Variants in WDR43 observed in about 807,000 individuals in gnomAD.
WDR43 encodes WD repeat-containing protein 43.
Under a neutral mutation model 91.4 loss-of-function variants are expected in WDR43, and 13 were observed. That is an observed-to-expected ratio of 0.14 (90% CI 0.09 to 0.23). The LOEUF (loss-of-function observed/expected upper bound fraction) is 0.23. Ranked by LOEUF, WDR43 falls within the 10% of genes least tolerant of loss-of-function variation. The pLI is 1.00. For missense variants in WDR43, 780 were observed against 809.4 expected, an observed-to-expected ratio of 0.96 and a Z score of 0.44; for synonymous variants, 331 against 287.9, an observed-to-expected ratio of 1.15 and a Z score of -1.51.
intron 11 of WDR43, among the ~76,000 whole-genome samples, chr2:28,933,569 A>AAAAAT (rs1671287156): frequency 6.6e-6 from 1 of 152,210 alleles, no homozygotes; most frequent in Non-Finnish European, 1.5e-5. Context: ...TTCTTGGAAA[A>AAAAAT]ACAGTGTTAG....
chr2:28,903,461 ACAG>A (rs1670615105), intron 2 of WDR43, among the ~76,000 whole-genome samples: 1 of 152,206 alleles, frequency 6.6e-6, no homozygotes, highest in Non-Finnish European at 1.5e-5. Context: ...GCCCAACAAA[ACAG>A]CAACAACGAC....
At chr2:28,905,782 A>C (rs1160004146) in intron 2 of WDR43, among the ~76,000 whole-genome samples, 1 of 150,854 alleles carries the variant, frequency 6.6e-6, no homozygotes, top group Non-Finnish European at 1.5e-5. Flanking sequence ...CTCCTGCCTC[A>C]GCCTCTCAGG....
chr2:28,914,814 AG>A (rs1670875416), intron 5 of WDR43, among the ~76,000 whole-genome samples: 1 of 152,176 alleles, frequency 6.6e-6, no homozygotes, highest in African/African-American at 2.4e-5. Flanking sequence ...CTGTAGTCCC[AG>A]CTACTCGGGA....
chr2:28,929,350 T>G (rs545484169), intron 10 of WDR43, among the ~76,000 whole-genome samples: 1 of 152,298 alleles, frequency 6.6e-6, no homozygotes, highest in East Asian at 1.9e-4. Flanking sequence ...ACTATGTGCT[T>G]CTTGGGCCGT....
chr2:28,919,071 A>G (rs537450282), intron 6 of WDR43, among the ~76,000 whole-genome samples: 6 of 152,312 alleles, frequency 3.9e-5, no homozygotes, highest in African/African-American at 1.4e-4. Context: ...CTGCCTGGAC[A>G]ACATAGTGAG....
At chr2:28,906,003 A>G (rs1670671071) in intron 2 of WDR43, among the ~76,000 whole-genome samples, 1 of 152,194 alleles carries the variant, frequency 6.6e-6, no homozygotes, top group East Asian at 1.9e-4. Context: ...TGGATAGATA[A>G]AGGTTAAAGC....
chr2:28,902,216 G>T, intron 2 of WDR43, 92 bp downstream of exon 2: 1 of 1,389,386 alleles, frequency 7.2e-7, no homozygotes, highest in Non-Finnish European at 9.7e-7. Context: ...GGTATGTGAT[G>T]GGATCTGTGC....
At chr2:28,922,797 GTTTTT>G in intron 6 of WDR43, 117 bp from the exon 7 acceptor site, 4 of 232,266 alleles carry the variant, frequency 1.7e-5, no homozygotes, top group Non-Finnish European at 2.3e-5. Context: ...TTCTTGCTGT[GTTTTT>G]TTTTTTTTTT....
intron 3 of WDR43, among the ~76,000 whole-genome samples, chr2:28,907,343 C>T (rs1431773057): frequency 6.6e-6 from 1 of 151,726 alleles, no homozygotes; most frequent in East Asian, 1.9e-4. Flanking sequence ...GAGCCATTGG[C>T]CAAGTGCAGT....
intron 13 of WDR43, 43 bp downstream of exon 13, chr2:28,936,996 C>A (rs1402699045): frequency 1.3e-6 from 2 of 1,535,966 alleles, no homozygotes; most frequent in East Asian, 4.8e-5. Flanking sequence ...TGTCTGACAG[C>A]ATGAAATTAA....
In WDR43 at chr2:28,942,499, A is replaced by G. The variant is rs115050262; in HGVS notation, c.1804+118A>G. On this transcript the variant is annotated intron_variant, in intron 16 of 17. Coordinates refer to ENST00000407426, the MANE Select transcript of WDR43 (RefSeq NM_015131.3). ...GATCTTCCTTTGGCAAGCCTTCTCT[A>G]ATTAAAATAGGCAAGTCCGTGGCAA... 1,265 of 1,127,480 alleles carry G rather than the reference A, an allele frequency of 1.1e-3. 11 individuals are homozygous for G. In the African/African-American group the frequency reaches 0.018, roughly 16 times the overall value. 69.8% of individuals were successfully genotyped at this position (1,127,480 alleles called of 1,614,324 possible). A position where few individuals can be genotyped will look rare whatever the true frequency, so the allele number is the denominator to read the frequency against.
chr2:28,938,897 A>G (rs7423095), intron 14 of WDR43, among the ~76,000 whole-genome samples: 137,250 of 151,496 alleles, frequency 0.91, 62,259 homozygotes, highest in Non-Finnish European at 0.93. Context: ...TGACCTGGGA[A>G]CACTGATGAG....
chr2:28,913,561 C>T (rs1365909373), intron 4 of WDR43: 2 of 423,356 alleles, frequency 4.7e-6, no homozygotes, highest in African/African-American at 2.1e-5. Context: ...GATTTCTAGC[C>T]TACATCCAGC....
chr2:28,894,787 C>T lies in WDR43; in HGVS notation c.89C>T (p.Ala30Val), dbSNP rs747773498. ...TCCCCGCACAGCCAGGCCTACTTCG[C>T]TTTGGCCTCTACCGACGGTCACTTA... is the stretch of plus-strand genomic sequence containing the variant. ...AFSPHSQAYF[A>V]LASTDGHLRV... is the part of the protein sequence containing the mutation. Residue 30 changes from alanine to valine, a missense_variant, in exon 1 of 18, where the codon GCT becomes GTT. By Grantham distance (64) the Ala-to-Val change is moderately conservative. Coordinates refer to ENST00000407426, the MANE Select transcript of WDR43 (RefSeq NM_015131.3). The T allele has an allele frequency of 6.2e-7, 1 of 1,608,990 alleles. No homozygotes were observed. Among genetic ancestry groups the T allele is most frequent in the African/African-American group, 1.3e-5 (1 of 74,974 alleles).
chr2:28,943,175 A>G (rs751815630), intron 16 of WDR43, among the ~76,000 whole-genome samples: 4 of 152,078 alleles, frequency 2.6e-5, no homozygotes, highest in Non-Finnish European at 4.4e-5. Flanking sequence ...TCTGTTGCTC[A>G]GGCTGGAGTG....
At chr2:28,912,801 A>C (rs937787635) in intron 4 of WDR43, 91 bp downstream of exon 4, 38 of 1,491,394 alleles carry the variant, frequency 2.5e-5, no homozygotes, top group Non-Finnish European at 3.3e-5. Context: ...TATTTTAAGA[A>C]TACAAATTCT....
At chr2:28,940,197 G>C (rs1671409309) in intron 14 of WDR43, among the ~76,000 whole-genome samples, 2 of 151,368 alleles carry the variant, frequency 1.3e-5, no homozygotes, top group Admixed American at 1.3e-4. Context: ...CACGGGGGTA[G>C]GGGGTGAGGT....
At position 28,922,989 on chromosome 2, in the gene WDR43, T is replaced by G; in HGVS notation, c.914+6T>G. The G allele has an allele frequency of 6.2e-7, 1 of 1,607,120 alleles. No individual in the cohort carries two copies. Among genetic ancestry groups the G allele is most frequent in the South Asian group, 1.1e-5 (1 of 89,578 alleles). The stretch of plus-strand genomic sequence containing the variant: ...TTTGAACACATATTAAATGGGTAAG[T>G]AAGAAATTTTCCAAGTAAGAAATTT... On this transcript the variant is annotated splice_donor_region_variant and intron_variant, in intron 7 of 17. Coordinates refer to ENST00000407426, the MANE Select transcript of WDR43 (RefSeq NM_015131.3).
intron 5 of WDR43, among the ~76,000 whole-genome samples, chr2:28,917,374 A>G (rs949462108): frequency 2.0e-5 from 3 of 152,178 alleles, no homozygotes; most frequent in African/African-American, 7.2e-5. Context: ...TGTGCTCTTT[A>G]CTCAATACCG....
Sources: allele counts gnomAD v4.1 joint callset (sites outside exome capture counted in the v4.1 genomes callset), GRCh38; gene constraint gnomAD v4.1.1; transcripts MANE v1.5; gene names NCBI Gene and HGNC (gene_info 2026-07-23, HGNC 2026-07-21).